SPAG16: variants seen among roughly 807,000 people sequenced by gnomAD.
SPAG16 encodes the protein sperm-associated antigen 16 protein.
A neutral mutation model predicts 80.4 loss-of-function variants in SPAG16; 86 were observed. The ratio of observed to expected loss-of-function variants is 1.07; its 90% confidence interval spans 0.90 to 1.28. The LOEUF (loss-of-function observed/expected upper bound fraction) is 1.28. SPAG16 is among the 50% of genes most tolerant of loss of function. SPAG16 has a pLI of 0.00. For synonymous variants in SPAG16, 294 were observed against 265.9 expected (o/e 1.11, Z -1.03); for missense variants, 870 against 765.3 (o/e 1.14, Z -1.61).
intron 15 of SPAG16, among the ~76,000 whole-genome samples, chr2:214,161,671 G>A (rs1275174623): frequency 6.6e-6 from 1 of 151,900 alleles, no homozygotes; most frequent in South Asian, 2.1e-4. Context: ...ACTGGGGCCT[G>A]TAGAGGGGTG....
At chr2:213,549,291 A>G (rs1436779760) in intron 10 of SPAG16, among the ~76,000 whole-genome samples, 1 of 152,108 alleles carries the variant, frequency 6.6e-6, no homozygotes, top group African/African-American at 2.4e-5. Flanking sequence ...TATTTTCTCT[A>G]AAATATTAAA....
intron 10 of SPAG16, among the ~76,000 whole-genome samples, chr2:213,508,891 C>T (rs2075097050): frequency 6.6e-6 from 1 of 151,190 alleles, no homozygotes; most frequent in African/African-American, 2.4e-5. Flanking sequence ...ACATTGTGCA[C>T]ATGTACCCTA....
chr2:214,289,657 T>C (rs866111494), intron 15 of SPAG16, among the ~76,000 whole-genome samples: 2 of 152,170 alleles, frequency 1.3e-5, no homozygotes, highest in Non-Finnish European at 2.9e-5. Flanking sequence ...TGAAGTTGGG[T>C]AGTGTGAAGT....
chr2:213,560,937 C>T (rs1349657376), intron 10 of SPAG16, among the ~76,000 whole-genome samples: 1 of 152,208 alleles, frequency 6.6e-6, no homozygotes, highest in Non-Finnish European at 1.5e-5. Flanking sequence ...GATCTCGGCT[C>T]ACTGCAACCT....
chr2:213,514,464 C>T (rs1311584209), intron 10 of SPAG16, among the ~76,000 whole-genome samples: 2 of 152,062 alleles, frequency 1.3e-5, no homozygotes, highest in African/African-American at 2.4e-5. Flanking sequence ...ATAATTTTGT[C>T]GGCATATTTT....
chr2:213,857,332 A>C (rs570591951), intron 10 of SPAG16, among the ~76,000 whole-genome samples: 1 of 152,352 alleles, frequency 6.6e-6, no homozygotes, highest in East Asian at 1.9e-4. Context: ...CAACAACTCC[A>C]CCTGACAGGC....
intron 4 of SPAG16, among the ~76,000 whole-genome samples, chr2:213,311,650 A>G (rs2063190612): frequency 6.6e-6 from 1 of 151,686 alleles, no homozygotes. Context: ...TGGTTCAAGT[A>G]ATTTTATCCT....
At chr2:213,725,497 C>G (rs976142080) in intron 10 of SPAG16, among the ~76,000 whole-genome samples, 2 of 152,140 alleles carry the variant, frequency 1.3e-5, no homozygotes, top group African/African-American at 4.8e-5. Context: ...CACTACAAAA[C>G]TGGTGGCACA....
chr2:213,929,196 T>G (rs1238000919), intron 11 of SPAG16, among the ~76,000 whole-genome samples: 1 of 151,876 alleles, frequency 6.6e-6, no homozygotes, highest in African/African-American at 2.4e-5. Flanking sequence ...GTATTTTTAG[T>G]AGAGACGGGG....
intron 5 of SPAG16, among the ~76,000 whole-genome samples, chr2:213,327,133 G>T (rs1199314596): frequency 6.9e-6 from 1 of 145,138 alleles, no homozygotes; most frequent in Non-Finnish European, 1.5e-5. Context: ...TCTTAACAGC[G>T]TTGTACTTGA....
chr2:213,814,010 A>G (rs2072353316), intron 10 of SPAG16, among the ~76,000 whole-genome samples: 1 of 152,140 alleles, frequency 6.6e-6, no homozygotes, highest in African/African-American at 2.4e-5. Context: ...GTAGGAGGAG[A>G]CGGAGGTAGG....
chr2:214,106,037 GA>G (rs948563848), intron 13 of SPAG16, among the ~76,000 whole-genome samples: 1 of 148,968 alleles, frequency 6.7e-6, no homozygotes, highest in Non-Finnish European at 1.5e-5. Flanking sequence ...TTCAGAATTT[GA>G]AAAAAAAAGC....
intron 9 of SPAG16, among the ~76,000 whole-genome samples, chr2:213,477,483 G>A (rs1484474748): frequency 6.6e-6 from 1 of 152,192 alleles, no homozygotes; most frequent in Non-Finnish European, 1.5e-5. Flanking sequence ...CCAAGGCCAT[G>A]GGAGCCCATC....
intron 9 of SPAG16, among the ~76,000 whole-genome samples, chr2:213,462,064 A>G (rs1018711403): frequency 2.0e-5 from 3 of 152,372 alleles, no homozygotes; most frequent in African/African-American, 7.2e-5. Context: ...TATTCTGATT[A>G]TGACTTAAAG....
At chr2:213,468,260 A>G (rs1318044425) in intron 9 of SPAG16, among the ~76,000 whole-genome samples, 1 of 151,696 alleles carries the variant, frequency 6.6e-6, no homozygotes, top group Non-Finnish European at 1.5e-5. Context: ...TTAGTCCTTC[A>G]TAAGCAACCA....
chr2:213,631,135 A>T (rs1342861945), intron 10 of SPAG16, among the ~76,000 whole-genome samples: 2 of 152,186 alleles, frequency 1.3e-5, no homozygotes, highest in Admixed American at 1.3e-4. Context: ...CTTGTTTCTG[A>T]ATCAGAAACT....
chr2:213,467,097 T>C (rs753735920), intron 9 of SPAG16, among the ~76,000 whole-genome samples: 5 of 152,128 alleles, frequency 3.3e-5, no homozygotes, highest in Non-Finnish European at 5.9e-5. Flanking sequence ...TGCATTCCCA[T>C]TTGGATTTCT....
chr2:214,322,505 T>C (rs920196707), intron 15 of SPAG16, among the ~76,000 whole-genome samples: 2 of 94,184 alleles, frequency 2.1e-5, no homozygotes, highest in Non-Finnish European at 5.8e-5. Flanking sequence ...TGCCTCACCT[T>C]AGGCAAAAAA....
intron 10 of SPAG16, among the ~76,000 whole-genome samples, chr2:213,821,157 A>G (rs886776694): frequency 6.6e-6 from 1 of 152,014 alleles, no homozygotes; most frequent in Non-Finnish European, 1.5e-5. Flanking sequence ...TTCTTCTGTC[A>G]TATTGTTTTC....
Sources: allele counts gnomAD v4.1 joint callset (sites outside exome capture counted in the v4.1 genomes callset), GRCh38; gene constraint gnomAD v4.1.1; transcripts MANE v1.5; gene names NCBI Gene and HGNC (gene_info 2026-07-23, HGNC 2026-07-21).